The following KCNH7 variants were observed in gnomAD, a reference collection of about 807,000 sequenced individuals.
KCNH7 encodes the protein potassium voltage-gated channel subfamily H member 7.
KCNH7 carries 49 observed loss-of-function variants against 120.8 expected under a neutral mutation model. The observed-to-expected ratio is 0.41, with a 90% confidence interval of 0.32 to 0.51. KCNH7 has a LOEUF of 0.51. Ranked by LOEUF, KCNH7 falls within the 20% of genes least tolerant of loss-of-function variation. The probability of loss-of-function intolerance (pLI) is 0.38; values close to 1 mark genes in which losing one functional copy is unlikely to be tolerated. For synonymous variants in KCNH7, 547 were observed against 516.1 expected (o/e 1.06, Z -0.81); for missense variants, 1,097 against 1,446.6 (o/e 0.76, Z 3.92).
intron 2 of KCNH7, among the ~76,000 whole-genome samples, chr2:162,792,697 A>T: frequency 7.1e-6 from 1 of 139,962 alleles, no homozygotes; most frequent in Non-Finnish European, 1.5e-5. Flanking sequence ...TATTAGTCTA[A>T]CAAGCAGCTT....
chr2:162,518,637 G>A (rs184672849), intron 3 of KCNH7, among the ~76,000 whole-genome samples: 2 of 151,672 alleles, frequency 1.3e-5, no homozygotes, highest in Non-Finnish European at 2.9e-5. Flanking sequence ...GTAAAGAATA[G>A]ACCTTGCATA....
intron 2 of KCNH7, among the ~76,000 whole-genome samples, chr2:162,705,252 A>C (rs1048067390): frequency 6.6e-6 from 1 of 152,106 alleles, no homozygotes; most frequent in Non-Finnish European, 1.5e-5. Context: ...AACATTCTTT[A>C]GTTTTATTTC....
At chr2:162,434,362 A>C (rs545368387) in intron 8 of KCNH7, among the ~76,000 whole-genome samples, 50 of 152,238 alleles carry the variant, frequency 3.3e-4, no homozygotes, top group African/African-American at 1.2e-3. Context: ...AAACCTGTGC[A>C]CATACCCCCT....
intron 8 of KCNH7, among the ~76,000 whole-genome samples, chr2:162,424,593 A>AT (rs1420007202): frequency 6.6e-6 from 1 of 152,158 alleles, no homozygotes; most frequent in African/African-American, 2.4e-5. Flanking sequence ...CAAACAACAC[A>AT]TTTTTTTCCC....
intron 2 of KCNH7, among the ~76,000 whole-genome samples, chr2:162,554,362 CT>C (rs202171726): frequency 5.3e-5 from 8 of 150,962 alleles, no homozygotes; most frequent in South Asian, 2.1e-4. Flanking sequence ...CCATCATAGC[CT>C]TTTTTTTTAA....
At chr2:162,396,701 T>C in intron 11 of KCNH7, 39 bp downstream of exon 11, 1 of 1,412,866 alleles carries the variant, frequency 7.1e-7, no homozygotes, top group Non-Finnish European at 9.9e-7. Flanking sequence ...TAAAATAAAA[T>C]GTCAGAAATA....
At chr2:162,766,458 T>TTTGTTGTCACAATAATTA (rs1340264926) in intron 2 of KCNH7, among the ~76,000 whole-genome samples, 1 of 152,086 alleles carries the variant, frequency 6.6e-6, no homozygotes, top group Non-Finnish European at 1.5e-5. Context: ...CTAGCACCCC[T>TTTGTTGTCACAATAATTA]TTGTTGTCAC....
At chr2:162,379,519 A>T (rs1686336571) in intron 14 of KCNH7, among the ~76,000 whole-genome samples, 1 of 148,278 alleles carries the variant, frequency 6.7e-6, no homozygotes, top group South Asian at 2.1e-4. Flanking sequence ...GTGTAAAAGG[A>T]GGATTAAAAG....
At chr2:162,653,966 T>G (rs1188850901) in intron 2 of KCNH7, among the ~76,000 whole-genome samples, 2 of 152,104 alleles carry the variant, frequency 1.3e-5, no homozygotes, top group Non-Finnish European at 2.9e-5. Flanking sequence ...ATTAGACCCT[T>G]AAATCAACAC....
intron 2 of KCNH7, among the ~76,000 whole-genome samples, chr2:162,818,552 G>T (rs12479256): frequency 0.47 from 70,945 of 151,776 alleles, 18,758 homozygotes; most frequent in South Asian, 0.67. Context: ...TGTTTCTTTG[G>T]GTTATTCTAG....
rs1691364084 is a variant in KCNH7, at chr2:162,517,866, C to T, written c.756G>A (p.Leu252=). The T allele has an allele frequency of 6.2e-7, 1 of 1,612,288 alleles. No homozygotes were observed. The highest frequency in any genetic ancestry group is 1.3e-5 in the African/African-American group (1 of 74,748). ...AATGGGACAGCTGGGAACTTGACTG[C>T]AGCATGTCAGGGTAGAGTCGGTCCC... is the stretch of plus-strand genomic sequence containing the variant. ...RQWDRLYPDM[L]QSSSQLSHSR... The change falls in exon 4 of 16, where the codon CTG becomes CTA. Residue 252 remains leucine, a synonymous_variant. Coordinates refer to ENST00000332142, the MANE Select transcript of KCNH7 (RefSeq NM_033272.4).
chr2:162,431,913 G>T (rs750025778), intron 8 of KCNH7, among the ~76,000 whole-genome samples: 6 of 151,776 alleles, frequency 4.0e-5, no homozygotes, highest in Non-Finnish European at 7.4e-5. Flanking sequence ...AGCAAGTAAA[G>T]AACTGAGCTA....
intron 3 of KCNH7, among the ~76,000 whole-genome samples, chr2:162,519,533 CT>C (rs140638319): frequency 0.015 from 2,307 of 151,680 alleles, 61 homozygotes; most frequent in African/African-American, 0.053. Context: ...CTTTATGTAT[CT>C]TTTTTTATGT....
intron 8 of KCNH7, among the ~76,000 whole-genome samples, chr2:162,430,923 A>T (rs941080345): frequency 6.6e-6 from 1 of 151,950 alleles, no homozygotes; most frequent in Non-Finnish European, 1.5e-5. Flanking sequence ...GTTAGAAAAC[A>T]GGTATAAACA....
intron 2 of KCNH7, among the ~76,000 whole-genome samples, chr2:162,588,276 G>GA (rs925221401): frequency 1.0e-4 from 15 of 150,752 alleles, no homozygotes; most frequent in South Asian, 6.3e-4. Context: ...TTATTTTTCT[G>GA]AAAAAAAAAT....
At position 162,431,938 on chromosome 2, in the gene KCNH7, A is replaced by C. The variant is rs368589957; in HGVS notation, c.1954+3260T>G. The stretch of plus-strand genomic sequence containing the variant: ...GAACTGAGCTATCTTCAATTTTAAA[A>C]AATCCACATGATAAATAGCACTACG... On this transcript the variant is annotated intron_variant, in intron 8 of 15. Coordinates refer to ENST00000332142, the MANE Select transcript of KCNH7 (RefSeq NM_033272.4). Among the ~76,000 whole-genome samples, 20 of 152,078 alleles carry C rather than the reference A, an allele frequency of 1.3e-4. No individual in the cohort carries two copies. The East Asian group carries it at 1.5e-3, about 12-fold the overall frequency.
intron 2 of KCNH7, among the ~76,000 whole-genome samples, chr2:162,701,361 T>C (rs1476622736): frequency 1.3e-5 from 2 of 152,036 alleles, no homozygotes; most frequent in Non-Finnish European, 2.9e-5. Context: ...TATATATGTA[T>C]AAATATATAT....
rs1325359717 is a variant in KCNH7, at chr2:162,435,440, T to C, written c.1712A>G (p.Tyr571Cys). The C allele has an allele frequency of 6.2e-7, 1 of 1,613,786 alleles. No homozygotes were observed. Among genetic ancestry groups the C allele is most frequent in the Admixed American group, 1.7e-5 (1 of 59,922 alleles). ...AGGCCTTTCTACATTCCCAATCGCA[T>C]ACCAAATGCAAGCCAGCCAGTGAGC... ...LIAHWLACIW[Y>C]AIGNVERPYL... The change falls in exon 8 of 16, where the codon TAT becomes TGT. Residue 571 changes from tyrosine to cysteine, a missense_variant. By Grantham distance (194) the Tyr-to-Cys change is radical. This residue lies in a region of KCNH7 where 2 missense variants were observed against 21.9 expected (regional missense o/e 0.09). Transcript: ENST00000332142.
At chr2:162,592,781 T>G (rs554683484) in intron 2 of KCNH7, among the ~76,000 whole-genome samples, 3 of 152,108 alleles carry the variant, frequency 2.0e-5, no homozygotes, top group Non-Finnish European at 2.9e-5. Context: ...AAGATTGGCC[T>G]TATCAACTTA....
Sources: allele counts gnomAD v4.1 joint callset (sites outside exome capture counted in the v4.1 genomes callset), GRCh38; gene constraint gnomAD v4.1.1; regional missense constraint gnomAD v4.1.1; transcripts MANE v1.5; gene names NCBI Gene and HGNC (gene_info 2026-07-23, HGNC 2026-07-21).